Variants in ROBO2 observed in about 807,000 individuals in gnomAD.
ROBO2 encodes the protein roundabout homolog 2.
In ROBO2, 53 loss-of-function variants were observed where a neutral mutation model predicts 160.8. The observed-to-expected ratio is 0.33, with a 90% CI of 0.26 to 0.41. ROBO2 has a LOEUF of 0.41. ROBO2 is among the 10% of genes least tolerant of loss of function. The probability of loss-of-function intolerance (pLI) is 1.00; values close to 1 mark genes in which losing one functional copy is unlikely to be tolerated. For missense variants in ROBO2, 1,577 were observed against 1,722.4 expected (o/e 0.92, Z 1.49); for synonymous variants, 664 against 611.7 (o/e 1.09, Z -1.26).
At chr3:76,263,410 A>G (rs1040708038) in intron 2 of ROBO2, among the ~76,000 whole-genome samples, 7 of 152,060 alleles carry the variant, frequency 4.6e-5, no homozygotes, top group Admixed American at 1.3e-4. Flanking sequence ...AAATGTAGGT[A>G]CAGAGTCTTG....
chr3:76,327,568 C>T (rs1379610735), intron 2 of ROBO2, among the ~76,000 whole-genome samples: 3 of 152,058 alleles, frequency 2.0e-5, no homozygotes, highest in East Asian at 1.9e-4. Flanking sequence ...AAGAATCTTT[C>T]GTATATTAGA....
Position 76,234,911 on chromosome 3 carries a change from C to T in ROBO2, c.109+297309C>T, listed in dbSNP as rs142980286. ...CACAGATGAAGGGTTATTTTCCCCA[C>T]GGCAGATTGTACCCAGTCTCTCTTG... is the stretch of plus-strand genomic sequence containing the variant. On this transcript the variant is annotated intron_variant, in intron 2 of 26. Transcript: ENST00000487694. 8.6e-4 allele frequency among the ~76,000 whole-genome samples: 131 copies of T among 152,218 alleles called. 1 individual carries two copies. In the East Asian group the frequency reaches 0.018, roughly 21 times the overall value.
chr3:76,677,958 C>CTTTGTTTTTTTTT (rs2092454191), intron 2 of ROBO2, among the ~76,000 whole-genome samples: 2 of 29,396 alleles, frequency 6.8e-5, no homozygotes, highest in Non-Finnish European at 1.3e-4. Context: ...AGAAAATATG[C>CTTTGTTTTTTTTT]TTTTTTTTTT....
chr3:77,308,688 C>T (rs2063299259), intron 2 of ROBO2, among the ~76,000 whole-genome samples: 1 of 152,074 alleles, frequency 6.6e-6, no homozygotes, highest in African/African-American at 2.4e-5. Context: ...ACGAGTGGGG[C>T]CAGGGATTTT....
intron 2 of ROBO2, among the ~76,000 whole-genome samples, chr3:76,095,863 G>T (rs2069426906): frequency 6.6e-6 from 1 of 151,678 alleles, no homozygotes; most frequent in Non-Finnish European, 1.5e-5. Flanking sequence ...AAATTGCAAA[G>T]ACATAAATGT....
intron 2 of ROBO2, among the ~76,000 whole-genome samples, chr3:76,753,835 T>C (rs562684833): frequency 5.9e-4 from 89 of 152,014 alleles, no homozygotes; most frequent in African/African-American, 2.0e-3. Flanking sequence ...GAGTTGATAG[T>C]TTCAGGACTG....
chr3:76,210,835 G>A (rs1192013791), intron 2 of ROBO2, among the ~76,000 whole-genome samples: 2 of 152,016 alleles, frequency 1.3e-5, no homozygotes, highest in Non-Finnish European at 2.9e-5. Context: ...TCGACATTCA[G>A]GGTTAGCCCT....
At chr3:76,631,075 T>G (rs1258891929) in intron 2 of ROBO2, among the ~76,000 whole-genome samples, 1 of 152,176 alleles carries the variant, frequency 6.6e-6, no homozygotes, top group African/African-American at 2.4e-5. Flanking sequence ...GACTTTAATA[T>G]CTAAACCTCT....
chr3:76,892,487 A>G (rs2074426315), intron 2 of ROBO2, among the ~76,000 whole-genome samples: 1 of 152,106 alleles, frequency 6.6e-6, no homozygotes, highest in Non-Finnish European at 1.5e-5. Flanking sequence ...GCCAATAACA[A>G]TTCCAACTCT....
intron 2 of ROBO2, among the ~76,000 whole-genome samples, chr3:77,277,509 T>A (rs903259902): frequency 6.6e-6 from 1 of 152,074 alleles, no homozygotes; most frequent in East Asian, 1.9e-4. Flanking sequence ...TGTGTCCATG[T>A]GTTCTCATCG....
intron 2 of ROBO2, among the ~76,000 whole-genome samples, chr3:76,386,327 T>TTCCCTCCCTCCC (rs1179625016): frequency 1.6e-5 from 2 of 122,706 alleles, no homozygotes; most frequent in African/African-American, 7.7e-5. Context: ...CCTTCCCTCC[T>TTCCCTCCCTCCC]TCCCTCCCTC....
chr3:77,550,771 T>C (rs1452617655), intron 7 of ROBO2, 47 bp from the exon 9 acceptor site: 2 of 1,598,942 alleles, frequency 1.3e-6, no homozygotes, highest in Middle Eastern at 1.7e-4. Flanking sequence ...CACATAATTT[T>C]TTTAAGTGGA....
intron 2 of ROBO2, among the ~76,000 whole-genome samples, chr3:76,405,635 A>C (rs2078083937): frequency 6.6e-6 from 1 of 151,740 alleles, no homozygotes; most frequent in Admixed American, 6.6e-5. Context: ...ATTATCATTA[A>C]GAACTAAGGT....
chr3:77,046,675 C>T (rs2064702141), intron 1 of ROBO2, among the ~76,000 whole-genome samples: 2 of 152,194 alleles, frequency 1.3e-5, no homozygotes, highest in Admixed American at 1.3e-4. Context: ...CTATGAGAGA[C>T]TGTTTCTGGA....
intron 2 of ROBO2, among the ~76,000 whole-genome samples, chr3:76,832,437 A>T (rs2067171009): frequency 6.6e-6 from 1 of 152,130 alleles, no homozygotes; most frequent in African/African-American, 2.4e-5. Context: ...GACACACAAC[A>T]TCCAAACACA....
intron 2 of ROBO2, among the ~76,000 whole-genome samples, chr3:76,648,263 G>T (rs371062137): frequency 1.3e-5 from 2 of 151,976 alleles, no homozygotes; most frequent in South Asian, 2.1e-4. Context: ...TTTTGATGCT[G>T]TGAAAAAGAT....
At chr3:76,399,832 A>G (rs2108746474) in intron 2 of ROBO2, among the ~76,000 whole-genome samples, 1 of 151,846 alleles carries the variant, frequency 6.6e-6, no homozygotes, top group South Asian at 2.1e-4. Context: ...CGAAATAACA[A>G]CAGAAGCATT....
intron 24 of ROBO2, among the ~76,000 whole-genome samples, chr3:77,643,480 C>T (rs138259879): frequency 4.6e-4 from 70 of 152,316 alleles, no homozygotes; most frequent in African/African-American, 1.7e-3. Context: ...GGTTGTTAAT[C>T]TGTCTATGGG....
chr3:76,505,728 GCCTTGACCCTGTCAACA>G (rs376440748), intron 2 of ROBO2, among the ~76,000 whole-genome samples: 48 of 152,132 alleles, frequency 3.2e-4, no homozygotes, highest in African/African-American at 1.1e-3. Flanking sequence ...TTCCCCTAGA[GCCTTGACCCTGTCAACA>G]CCTTGATTTC....
Sources: gnomAD v4.1 joint callset for allele counts (sites outside exome capture counted in the v4.1 genomes callset) on GRCh38, gnomAD v4.1.1 for gene constraint, MANE v1.5 for transcripts, NCBI Gene and HGNC (gene_info 2026-07-23, HGNC 2026-07-21) for gene names.